The following CDH12 variants were observed in gnomAD, a reference collection of about 807,000 sequenced individuals.
CDH12 encodes the protein cadherin-12.
In CDH12, 41 loss-of-function variants were observed where a neutral mutation model predicts 74.1. The ratio of observed to expected loss-of-function variants is 0.55; its 90% confidence interval spans 0.43 to 0.72. CDH12 has a LOEUF of 0.72. Ranked by LOEUF, CDH12 falls within the 30% of genes least tolerant of loss-of-function variation. CDH12 has a pLI of 0.00. For missense variants in CDH12, 945 were observed against 977.2 expected (o/e 0.97, Z 0.44); for synonymous variants, 399 against 355.0 (o/e 1.12, Z -1.39).
chr5:22,013,990 G>T (rs1307371666), intron 5 of CDH12, among the ~76,000 whole-genome samples: 1 of 152,164 alleles, frequency 6.6e-6, no homozygotes, highest in African/African-American at 2.4e-5. Context: ...ACTTTGGGAG[G>T]CTGAGGCAGG....
chr5:22,150,947 C>T (rs1035051952), intron 4 of CDH12, among the ~76,000 whole-genome samples: 7 of 152,328 alleles, frequency 4.6e-5, no homozygotes, highest in Middle Eastern at 3.4e-3. Context: ...GCAGCACACA[C>T]ATTGCACAAC....
chr5:21,954,489 T>A (rs1055921432), intron 6 of CDH12, among the ~76,000 whole-genome samples: 10 of 152,136 alleles, frequency 6.6e-5, no homozygotes, highest in Admixed American at 6.6e-4. Flanking sequence ...TTATTCTTTA[T>A]GAAGAAAAAT....
At chr5:21,955,422 A>G (rs1370312898) in intron 6 of CDH12, among the ~76,000 whole-genome samples, 1 of 152,040 alleles carries the variant, frequency 6.6e-6, no homozygotes, top group African/African-American at 2.4e-5. Flanking sequence ...TATTCAGACT[A>G]TAATTCCCAA....
intron 2 of CDH12, among the ~76,000 whole-genome samples, chr5:22,465,608 C>T (rs1030237047): frequency 6.6e-6 from 1 of 152,136 alleles, no homozygotes; most frequent in Non-Finnish European, 1.5e-5. Flanking sequence ...ATCATGCCAC[C>T]ACACTCTAGC....
intron 1 of CDH12, among the ~76,000 whole-genome samples, chr5:22,827,255 A>G (rs893622838): frequency 3.9e-5 from 6 of 152,250 alleles, no homozygotes; most frequent in African/African-American, 1.4e-4. Context: ...GCGAGTACAC[A>G]GAATTCAAGA....
At chr5:22,356,135 C>A (rs1024110495) in intron 3 of CDH12, among the ~76,000 whole-genome samples, 1 of 152,054 alleles carries the variant, frequency 6.6e-6, no homozygotes, top group African/African-American at 2.4e-5. Context: ...GAGCCTTTTT[C>A]AAAAATGCAT....
intron 4 of CDH12, among the ~76,000 whole-genome samples, chr5:22,087,405 C>A (rs1174237299): frequency 6.6e-6 from 1 of 151,974 alleles, no homozygotes; most frequent in Non-Finnish European, 1.5e-5. Context: ...TCTGTGGGGC[C>A]GAGGCAAGCA....
At chr5:22,822,184 G>C (rs1164218586) in intron 1 of CDH12, among the ~76,000 whole-genome samples, 2 of 151,998 alleles carry the variant, frequency 1.3e-5, no homozygotes, top group African/African-American at 4.8e-5. Flanking sequence ...GCCATATGTA[G>C]AAAGCTGAAA....
chr5:21,895,926 T>C (rs1474244863), intron 6 of CDH12, among the ~76,000 whole-genome samples: 4 of 152,130 alleles, frequency 2.6e-5, no homozygotes, highest in Non-Finnish European at 5.9e-5. Flanking sequence ...TTTTCATCAG[T>C]GTGTGGCTCT....
intron 2 of CDH12, among the ~76,000 whole-genome samples, chr5:22,457,260 T>C (rs895526501): frequency 2.6e-5 from 4 of 152,132 alleles, no homozygotes; most frequent in African/African-American, 9.7e-5. Flanking sequence ...AAGAGAACTG[T>C]ATTGCCTCAC....
chr5:22,786,063 T>C (rs940299505), intron 1 of CDH12, among the ~76,000 whole-genome samples: 2 of 152,004 alleles, frequency 1.3e-5, no homozygotes, highest in African/African-American at 4.8e-5. Context: ...AAGACTCAAC[T>C]TAAATGCCTA....
At chr5:22,486,872 G>T (rs1311796253) in intron 2 of CDH12, among the ~76,000 whole-genome samples, 1 of 152,132 alleles carries the variant, frequency 6.6e-6, no homozygotes, top group African/African-American at 2.4e-5. Flanking sequence ...CAGTGAGGTG[G>T]TCATTATCTC....
chr5:21,872,720 AC>A (rs890279404), intron 6 of CDH12, among the ~76,000 whole-genome samples: 14 of 152,152 alleles, frequency 9.2e-5, no homozygotes, highest in African/African-American at 3.4e-4. Flanking sequence ...TTTAATGTAC[AC>A]CCTACATACC....
chr5:22,427,371 T>C (rs1743985385), intron 2 of CDH12, among the ~76,000 whole-genome samples: 1 of 152,084 alleles, frequency 6.6e-6, no homozygotes, highest in Non-Finnish European at 1.5e-5. Flanking sequence ...TTTCACCACG[T>C]TGGCCAGGCT....
At chr5:22,597,879 A>G (rs940780777) in intron 1 of CDH12, among the ~76,000 whole-genome samples, 4 of 152,212 alleles carry the variant, frequency 2.6e-5, no homozygotes, top group East Asian at 3.9e-4. Flanking sequence ...AGAAAATTAT[A>G]TATGTCTTCC....
chr5:22,353,616 CAA>C (rs756544950), intron 3 of CDH12, among the ~76,000 whole-genome samples: 21 of 152,172 alleles, frequency 1.4e-4, no homozygotes, highest in Non-Finnish European at 2.1e-4. Flanking sequence ...ATCACAAACT[CAA>C]GTTTCAAACT....
chr5:21,974,951 A>C (rs1268561706), intron 6 of CDH12, 140 bp downstream of exon 6: 4 of 654,506 alleles, frequency 6.1e-6, no homozygotes, highest in Non-Finnish European at 1.0e-5. Flanking sequence ...AAAGTTACAA[A>C]AATAAATGAA....
intron 3 of CDH12, among the ~76,000 whole-genome samples, chr5:22,292,792 T>G (rs1737451254): frequency 6.6e-6 from 1 of 152,172 alleles, no homozygotes; most frequent in Non-Finnish European, 1.5e-5. Flanking sequence ...TAATGCACTG[T>G]TGGTGGGAAT....
At chr5:22,614,903 T>C (rs781639614) in intron 1 of CDH12, among the ~76,000 whole-genome samples, 9 of 152,012 alleles carry the variant, frequency 5.9e-5, no homozygotes, top group Admixed American at 5.3e-4. Flanking sequence ...ACAGAGACGG[T>C]TACCAAGCAA....
Sources: gnomAD v4.1 joint callset for allele counts (sites outside exome capture counted in the v4.1 genomes callset) on GRCh38, gnomAD v4.1.1 for gene constraint, MANE v1.5 for transcripts, NCBI Gene and HGNC (gene_info 2026-07-23, HGNC 2026-07-21) for gene names.